The following HAPLN1 variants were observed in gnomAD, a reference collection of about 807,000 sequenced individuals.
HAPLN1 encodes the protein Cartilage link protein.
In HAPLN1, 13 loss-of-function variants were observed where a neutral mutation model predicts 36.5. The observed-to-expected ratio is 0.36, with a 90% confidence interval of 0.23 to 0.57. The LOEUF is 0.57. Ranked by LOEUF, HAPLN1 falls within the 20% of genes least tolerant of loss-of-function variation. The pLI, the probability that HAPLN1 is intolerant of heterozygous loss-of-function variation, is 0.83. For missense variants in HAPLN1, 407 were observed against 439.7 expected, an observed-to-expected ratio of 0.93 and a Z score of 0.66; for synonymous variants, 202 against 169.8, an observed-to-expected ratio of 1.19 and a Z score of -1.48.
At chr5:83,645,636 A>T (rs1425394639) in intron 3 of HAPLN1, among the ~76,000 whole-genome samples, 1 of 151,988 alleles carries the variant, frequency 6.6e-6, no homozygotes, top group African/African-American at 2.4e-5. Flanking sequence ...ATAATTAAAC[A>T]ACTTTATTTC....
intron 1 of HAPLN1, among the ~76,000 whole-genome samples, chr5:83,678,394 G>A (rs375326957): frequency 9.9e-5 from 15 of 152,060 alleles, no homozygotes; most frequent in African/African-American, 3.6e-4. Context: ...GAATTAAGGC[G>A]AAAAATATAT....
chr5:83,663,492 A>G (rs961874681), intron 2 of HAPLN1, among the ~76,000 whole-genome samples: 5 of 152,090 alleles, frequency 3.3e-5, no homozygotes, highest in East Asian at 1.9e-4. Flanking sequence ...AGGTGATCTC[A>G]TCTGGTCCCA....
intron 1 of HAPLN1, among the ~76,000 whole-genome samples, chr5:83,717,914 A>T (rs1751950210): frequency 2.0e-5 from 3 of 152,250 alleles, no homozygotes; most frequent in Non-Finnish European, 2.9e-5. Context: ...TAATAAAAAA[A>T]TCAAAGAATA....
At chr5:83,650,474 A>G (rs1750023759) in intron 3 of HAPLN1, among the ~76,000 whole-genome samples, 1 of 152,186 alleles carries the variant, frequency 6.6e-6, no homozygotes, top group Non-Finnish European at 1.5e-5. Flanking sequence ...CATGGCACCA[A>G]AACAGCACCT....
At chr5:83,703,942 A>G (rs908326017) in intron 1 of HAPLN1, among the ~76,000 whole-genome samples, 1 of 151,720 alleles carries the variant, frequency 6.6e-6, no homozygotes, top group African/African-American at 2.4e-5. Flanking sequence ...AAGACACATG[A>G]TCATCAGATT....
At chr5:83,702,893 G>T (rs1040201955) in intron 1 of HAPLN1, among the ~76,000 whole-genome samples, 1 of 152,124 alleles carries the variant, frequency 6.6e-6, no homozygotes, top group African/African-American at 2.4e-5. Context: ...TGCATTTTTA[G>T]TAGAGATGGG....
At chr5:83,643,496 C>G (rs886622116) in intron 4 of HAPLN1, among the ~76,000 whole-genome samples, 4 of 152,120 alleles carry the variant, frequency 2.6e-5, no homozygotes, top group Admixed American at 6.5e-5. Flanking sequence ...TGCCACCACA[C>G]AGGGCCCCAC....
At chr5:83,666,420 A>G (rs139044383) in intron 2 of HAPLN1, among the ~76,000 whole-genome samples, 1,761 of 152,264 alleles carry the variant, frequency 0.012, 42 homozygotes, top group African/African-American at 0.04. Flanking sequence ...TTGGCTTCAC[A>G]CATACTATGC....
intron 1 of HAPLN1, among the ~76,000 whole-genome samples, chr5:83,681,704 T>C (rs768378159): frequency 1.3e-5 from 2 of 151,962 alleles, no homozygotes; most frequent in Non-Finnish European, 2.9e-5. Context: ...AGAGAGGAGG[T>C]CTCCCTATTT....
At chr5:83,720,200 A>G (rs1389045175) in intron 1 of HAPLN1, among the ~76,000 whole-genome samples, 1 of 152,216 alleles carries the variant, frequency 6.6e-6, no homozygotes, top group Non-Finnish European at 1.5e-5. Flanking sequence ...TTATCCATCA[A>G]CATCATTGTA....
intron 1 of HAPLN1, among the ~76,000 whole-genome samples, chr5:83,719,454 A>G (rs1751978597): frequency 6.6e-6 from 1 of 152,218 alleles, no homozygotes; most frequent in Non-Finnish European, 1.5e-5. Flanking sequence ...GTATAAATTC[A>G]TTTCTTAGCT....
In HAPLN1 at chr5:83,652,781, C is replaced by T; in HGVS notation, c.144G>A (p.Lys48=). ...CATTGCCACCTCTGTGTGAAAACAC[C>T]TTGGCTTGCTCTGCTTCCACAAGTA... ...PHLLVEAEQA[K]VFSHRGGNVT... is the part of the protein sequence containing the mutation. The change falls in exon 3 of 5, where the codon AAG becomes AAA. Residue 48 remains lysine, a synonymous_variant. Transcript: ENST00000274341. 6.2e-7 allele frequency: 1 copy of T among 1,612,178 alleles called. No homozygotes were observed. Among genetic ancestry groups the T allele is most frequent in the Admixed American group, 1.7e-5 (1 of 59,986 alleles).
intron 1 of HAPLN1, among the ~76,000 whole-genome samples, chr5:83,714,510 T>C (rs1479501241): frequency 1.3e-5 from 2 of 152,180 alleles, no homozygotes; most frequent in Non-Finnish European, 2.9e-5. Flanking sequence ...TGTTTTCTTT[T>C]TTTTCATAGT....
At position 83,652,442 on chromosome 5, in the gene HAPLN1, T is replaced by C. The variant is rs757920066; in HGVS notation, c.472+11A>G. On this transcript the variant is annotated intron_variant, in intron 3 of 4. Transcript: ENST00000274341. The stretch of plus-strand genomic sequence containing the variant: ...CCATTTATACGTTGAACATGACTTA[T>C]AGATACATACCTTGTAAGTCCAGTG... 8.7e-6 allele frequency: 14 copies of C among 1,605,978 alleles called. No individual in the cohort carries two copies. The highest frequency in any genetic ancestry group is 6.7e-5 in the Admixed American group (4 of 59,262).
intron 1 of HAPLN1, among the ~76,000 whole-genome samples, chr5:83,678,787 G>T (rs1212476228): frequency 6.6e-6 from 1 of 152,174 alleles, no homozygotes; most frequent in Non-Finnish European, 1.5e-5. Context: ...CAGTAAAAAA[G>T]TAGCAAATGA....
chr5:83,715,437 A>G (rs1334609070), intron 1 of HAPLN1, among the ~76,000 whole-genome samples: 1 of 152,152 alleles, frequency 6.6e-6, no homozygotes, highest in East Asian at 1.9e-4. Context: ...GAAATTAGGA[A>G]GGCAAATTTC....
At chr5:83,670,484 T>C (rs1750677725) in intron 2 of HAPLN1, among the ~76,000 whole-genome samples, 1 of 152,238 alleles carries the variant, frequency 6.6e-6, no homozygotes, top group African/African-American at 2.4e-5. Flanking sequence ...TTTGCTTTCC[T>C]GTATGATCAA....
intron 1 of HAPLN1, among the ~76,000 whole-genome samples, chr5:83,678,172 C>A (rs1229134310): frequency 6.6e-6 from 1 of 150,962 alleles, no homozygotes; most frequent in Middle Eastern, 3.4e-3. Context: ...TGCTTATGTT[C>A]ATTTTTCCTC....
intron 1 of HAPLN1, among the ~76,000 whole-genome samples, chr5:83,719,244 T>A (rs1200798402): frequency 1.3e-5 from 2 of 152,228 alleles, no homozygotes; most frequent in African/African-American, 4.8e-5. Context: ...CCCACCTTCT[T>A]GTTTCTCATA....
Sources: allele counts gnomAD v4.1 joint callset (sites outside exome capture counted in the v4.1 genomes callset), GRCh38; gene constraint gnomAD v4.1.1; transcripts MANE v1.5; gene names NCBI Gene and HGNC (gene_info 2026-07-23, HGNC 2026-07-21).